Variants in GLI3 observed in about 807,000 individuals in gnomAD.
The protein encoded by GLI3 is transcription activator GLI3.
Under a neutral mutation model 100.8 loss-of-function variants are expected in GLI3, and 20 were observed. That is an observed-to-expected ratio of 0.20 (90% CI 0.14 to 0.29). The LOEUF is 0.29. Among genes scored for constraint, GLI3 ranks in the 10% least tolerant of loss-of-function variants. The pLI is 1.00. For missense variants in GLI3, 2,040 were observed against 2,128.5 expected (o/e 0.96, Z 0.82); for synonymous variants, 938 against 860.5 (o/e 1.09, Z -1.58).
intron 7 of GLI3, among the ~76,000 whole-genome samples, chr7:42,034,592 C>A (rs1360592228): frequency 6.6e-6 from 1 of 152,050 alleles, no homozygotes; most frequent in Non-Finnish European, 1.5e-5. Flanking sequence ...GCTGACAGTT[C>A]CCCCAATGCC....
intron 10 of GLI3, among the ~76,000 whole-genome samples, chr7:42,015,569 C>A (rs1377037620): frequency 1.3e-5 from 2 of 151,862 alleles, no homozygotes; most frequent in East Asian, 1.9e-4. Context: ...TTGCTATGAT[C>A]TCAGAAGTTG....
chr7:42,018,692 G>A (rs7806689), intron 10 of GLI3, among the ~76,000 whole-genome samples: 149,192 of 152,314 alleles, frequency 0.98, 73,071 homozygotes, highest in East Asian at 0.99. Flanking sequence ...TTATGACTGT[G>A]TTCTTCTGAT....
chr7:42,045,258 G>A, intron 6 of GLI3, 126 bp downstream of exon 6: 2 of 929,630 alleles, frequency 2.2e-6, no homozygotes, highest in Non-Finnish European at 3.5e-6. Flanking sequence ...ACCAGATAGT[G>A]GTGGTTCCAC....
chr7:42,145,081 A>G (rs1017715682), intron 3 of GLI3, among the ~76,000 whole-genome samples: 1 of 152,216 alleles, frequency 6.6e-6, no homozygotes, highest in Non-Finnish European at 1.5e-5. Context: ...TACACTAAAA[A>G]ATTCATGGAA....
At chr7:41,974,285 C>T (rs1374964626) in intron 12 of GLI3, among the ~76,000 whole-genome samples, 1 of 152,156 alleles carries the variant, frequency 6.6e-6, no homozygotes, top group African/African-American at 2.4e-5. Flanking sequence ...TGCCCGTGTG[C>T]CCTTGTGTGT....
chr7:42,221,039 G>A (rs1433874554), intron 2 of GLI3, among the ~76,000 whole-genome samples: 1 of 152,204 alleles, frequency 6.6e-6, no homozygotes, highest in Non-Finnish European at 1.5e-5. Flanking sequence ...AGGGCAGAAA[G>A]CCAGGGGAGT....
intron 1 of GLI3, among the ~76,000 whole-genome samples, chr7:42,231,585 G>C: frequency 6.6e-6 from 1 of 152,182 alleles, no homozygotes; most frequent in East Asian, 1.9e-4. Flanking sequence ...CTGTCCTGAA[G>C]TGGCATGGCC....
At chr7:41,980,282 A>T (rs1489753823) in intron 10 of GLI3, among the ~76,000 whole-genome samples, 1 of 152,204 alleles carries the variant, frequency 6.6e-6, no homozygotes, top group Non-Finnish European at 1.5e-5. Flanking sequence ...GTGTTTCTTT[A>T]AAGTTATGAT....
chr7:42,090,110 G>A (rs1275729172), intron 3 of GLI3, among the ~76,000 whole-genome samples: 1 of 152,104 alleles, frequency 6.6e-6, no homozygotes, highest in East Asian at 1.9e-4. Flanking sequence ...CATAGAAAAG[G>A]TACAGCAAAA....
chr7:42,214,238 T>A (rs532238993), intron 2 of GLI3, among the ~76,000 whole-genome samples: 19 of 152,272 alleles, frequency 1.2e-4, no homozygotes, highest in Non-Finnish European at 1.6e-4. Flanking sequence ...TCAAGAGACT[T>A]TCTGGTCCAC....
intron 1 of GLI3, among the ~76,000 whole-genome samples, chr7:42,246,144 C>T (rs1425790713): frequency 6.6e-6 from 1 of 152,210 alleles, no homozygotes; most frequent in Non-Finnish European, 1.5e-5. Context: ...CAACTTCCAC[C>T]TCATGTGGTT....
Position 41,965,941 on chromosome 7 carries a change from G to T in GLI3, c.3132C>A (p.Leu1044=). 6.2e-7 allele frequency: 1 copy of T among 1,612,566 alleles called. No individual in the cohort carries two copies. Among genetic ancestry groups the T allele is most frequent in the African/African-American group, 1.3e-5 (1 of 75,036 alleles). Residue 1044 remains leucine (L), a synonymous_variant, in exon 15 of 15, where the codon CTC becomes CTA. Coordinates refer to ENST00000395925, the MANE Select transcript of GLI3 (RefSeq NM_000168.6). The stretch of plus-strand genomic sequence containing the variant: ...CGGGCCGCGTGTAATTCTGAAGCAC[G>T]AGACTGCGCTTCTCCGCGGACGTGG... ...AMATSAEKRS[L]VLQNYTRPEG...
chr7:42,233,325 A>G (rs1038995147), intron 1 of GLI3, among the ~76,000 whole-genome samples: 1 of 152,242 alleles, frequency 6.6e-6, no homozygotes, highest in Admixed American at 6.5e-5. Context: ...TGCTGGAGCC[A>G]GGAACACATA....
chr7:42,181,102 A>G (rs903898380), intron 2 of GLI3, among the ~76,000 whole-genome samples: 2 of 152,236 alleles, frequency 1.3e-5, no homozygotes, highest in Non-Finnish European at 2.9e-5. Flanking sequence ...CTGTGTTCCA[A>G]TAAAACTTTA....
intron 2 of GLI3, among the ~76,000 whole-genome samples, chr7:42,149,197 A>G (rs1034025490): frequency 3.3e-5 from 5 of 152,322 alleles, no homozygotes; most frequent in South Asian, 2.1e-4. Flanking sequence ...TGAGACTGAA[A>G]GTCCAGGTGT....
chr7:42,083,318 C>G (rs1007497763), intron 3 of GLI3, among the ~76,000 whole-genome samples: 2 of 152,228 alleles, frequency 1.3e-5, no homozygotes, highest in Admixed American at 1.3e-4. Context: ...GCTTATTTCA[C>G]TTAACATCAT....
intron 4 of GLI3, among the ~76,000 whole-genome samples, chr7:42,069,669 T>G: frequency 6.6e-6 from 1 of 151,282 alleles, no homozygotes; most frequent in Non-Finnish European, 1.5e-5. Flanking sequence ...AAGTACAGAG[T>G]GAAGATGGAG....
chr7:42,170,472 C>T (rs1370211938), intron 2 of GLI3, among the ~76,000 whole-genome samples: 1 of 146,164 alleles, frequency 6.8e-6, no homozygotes, highest in African/African-American at 2.5e-5. Flanking sequence ...GCACAATCTC[C>T]GCTCACTGCA....
At chr7:42,097,625 T>C (rs1051586787) in intron 3 of GLI3, among the ~76,000 whole-genome samples, 1 of 152,252 alleles carries the variant, frequency 6.6e-6, no homozygotes, top group Non-Finnish European at 1.5e-5. Flanking sequence ...CAGCATTTAC[T>C]GATCTAAAAT....
Sources: gnomAD v4.1 joint callset for allele counts (sites outside exome capture counted in the v4.1 genomes callset) on GRCh38, gnomAD v4.1.1 for gene constraint, MANE v1.5 for transcripts, NCBI Gene and HGNC (gene_info 2026-07-23, HGNC 2026-07-21) for gene names.